The following PPFIA1 variants were observed in gnomAD, a reference collection of about 807,000 sequenced individuals.
PPFIA1 encodes the protein liprin-alpha-1.
Under a neutral mutation model 149.9 loss-of-function variants are expected in PPFIA1, and 25 were observed. The ratio of observed to expected loss-of-function variants is 0.17; its 90% confidence interval spans 0.12 to 0.23. The LOEUF is 0.23. PPFIA1 is among the 10% of genes least tolerant of loss of function. The pLI, the probability that PPFIA1 is intolerant of heterozygous loss-of-function variation, is 1.00. For missense variants in PPFIA1, 1,362 were observed against 1,506.5 expected (o/e 0.90, Z 1.59); for synonymous variants, 549 against 552.8 (o/e 0.99, Z 0.10).
At chr11:70,333,371 C>T in intron 9 of PPFIA1, 99 bp from the exon 10 acceptor site, 2 of 883,328 alleles carry the variant, frequency 2.3e-6, no homozygotes, top group Non-Finnish European at 3.7e-6. Flanking sequence ...CGGAGCAGCC[C>T]ACGCAGAGCA....
chr11:70,285,005 A>G (rs2051011523), intron 2 of PPFIA1, among the ~76,000 whole-genome samples: 1 of 151,920 alleles, frequency 6.6e-6, no homozygotes, highest in South Asian at 2.1e-4. Flanking sequence ...ATTTTTATTT[A>G]TTTATGTATT....
chr11:70,336,974 A>T (rs1037036425), intron 11 of PPFIA1, among the ~76,000 whole-genome samples: 1 of 152,246 alleles, frequency 6.6e-6, no homozygotes, highest in African/African-American at 2.4e-5. Context: ...CTCCTTGATC[A>T]GTGGGTCAGC....
At chr11:70,357,587 ATTTT>A (rs879479086) in intron 19 of PPFIA1, among the ~76,000 whole-genome samples, 1 of 142,440 alleles carries the variant, frequency 7.0e-6, no homozygotes. Context: ...CTGTGTAAGA[ATTTT>A]TTTTTTTTTT....
Position 70,362,392 on chromosome 11 carries a change from T to G in PPFIA1, c.2769T>G (p.Ile923Met). 5 of 1,614,148 alleles carry G rather than the reference T, an allele frequency of 3.1e-6. No individual in the cohort carries two copies. The highest frequency in any genetic ancestry group is 4.2e-6 in the Non-Finnish European group (5 of 1,180,028). Residue 923 changes from isoleucine to methionine, a missense_variant, in exon 21 of 28, where the codon ATT (isoleucine) becomes ATG (methionine). By Grantham distance (10) the Ile-to-Met change is conservative (BLOSUM62 1). Around this residue, in one of 7 missense-constraint regions of PPFIA1, gnomAD observed 349 missense variants for 373.3 expected, o/e 0.93. Transcript: ENST00000253925. The part of the protein sequence containing the change: ...ALSDTEIQRE[I>M]GISNPLHRLK... ...CCGACACAGAGATCCAGCGTGAGAT[T>G]GGCATCAGCAACCCCCTGCACAGGC...
At chr11:70,355,125 G>A (rs940682608) in intron 17 of PPFIA1, among the ~76,000 whole-genome samples, 2 of 152,010 alleles carry the variant, frequency 1.3e-5, no homozygotes, top group Non-Finnish European at 2.9e-5. Context: ...GGCTGGTCTC[G>A]AACTCCTGAG....
intron 21 of PPFIA1, chr11:70,367,362 G>A (rs1565455504): frequency 5.5e-6 from 2 of 361,668 alleles, no homozygotes; most frequent in African/African-American, 2.1e-5. Context: ...AGACATCAAG[G>A]CGTGGTCAAA....
chr11:70,283,627 T>C lies in PPFIA1; in HGVS notation c.264+11191T>C, dbSNP rs562979227. ...CCCATTTAGGAGGCAGTTCCTGCAATGTGGGCATGAAGTGTTACAGCCCAA... is the reference window on the plus strand; with the variant it reads ...CCCATTTAGGAGGCAGTTCCTGCAACGTGGGCATGAAGTGTTACAGCCCAA... On this transcript the variant is annotated intron_variant, in intron 2 of 27. Coordinates refer to ENST00000253925, the MANE Select transcript of PPFIA1 (RefSeq NM_003626.5). 9.2e-5 allele frequency among the ~76,000 whole-genome samples: 14 copies of C among 152,220 alleles called. No homozygotes were observed. In the East Asian group the frequency reaches 2.5e-3, roughly 27 times the overall value.
chr11:70,349,746 A>T (rs2055936368), intron 16 of PPFIA1, among the ~76,000 whole-genome samples: 1 of 151,032 alleles, frequency 6.6e-6, no homozygotes, highest in African/African-American at 2.4e-5. Context: ...AACATTTTAA[A>T]CTCTTTGACT....
At chr11:70,356,113 G>C in intron 18 of PPFIA1, 48 bp from the exon 19 acceptor site, 1 of 1,408,782 alleles carries the variant, frequency 7.1e-7, no homozygotes. Context: ...AAAACATAGA[G>C]CTTTGTCATG....
intron 2 of PPFIA1, among the ~76,000 whole-genome samples, chr11:70,300,430 C>T (rs1224447975): frequency 6.6e-6 from 1 of 152,102 alleles, no homozygotes; most frequent in Non-Finnish European, 1.5e-5. Flanking sequence ...AGTACAGTGG[C>T]CCGATCTGGG....
chr11:70,343,592 T>C (rs756707212), intron 14 of PPFIA1, 77 bp from the exon 15 acceptor site: 184 of 1,351,172 alleles, frequency 1.4e-4, no homozygotes, highest in Non-Finnish European at 1.8e-4. Flanking sequence ...AAAGAATTCC[T>C]AAATTTCCGA....
intron 15 of PPFIA1, chr11:70,345,890 A>G (rs563912997): frequency 9.2e-6 from 3 of 326,668 alleles, no homozygotes; most frequent in Middle Eastern, 8.1e-4. Flanking sequence ...TCACATGTTC[A>G]GGTCCCGTCA....
intron 2 of PPFIA1, among the ~76,000 whole-genome samples, chr11:70,322,631 T>A (rs1225535261): frequency 1.3e-5 from 2 of 152,254 alleles, no homozygotes; most frequent in Non-Finnish European, 2.9e-5. Context: ...ACTGAAATAC[T>A]GAATTGAAGA....
intron 8 of PPFIA1, 149 bp downstream of exon 8, chr11:70,330,468 C>G: frequency 3.2e-6 from 2 of 632,038 alleles, no homozygotes; most frequent in Non-Finnish European, 4.8e-6. Context: ...GTGGGAGTTC[C>G]TTCAGTTTAG....
chr11:70,303,450 A>G (rs1402646389), intron 2 of PPFIA1, among the ~76,000 whole-genome samples: 1 of 152,188 alleles, frequency 6.6e-6, no homozygotes, highest in East Asian at 1.9e-4. Flanking sequence ...AATGCTAACT[A>G]CAATTGTTAT....
At chr11:70,329,640 C>G (rs2054537730) in intron 7 of PPFIA1, among the ~76,000 whole-genome samples, 1 of 152,086 alleles carries the variant, frequency 6.6e-6, no homozygotes, top group African/African-American at 2.4e-5. Flanking sequence ...ATGTTTTTGG[C>G]CAGGGACACT....
chr11:70,318,287 T>C (rs1361196176), intron 2 of PPFIA1, among the ~76,000 whole-genome samples: 1 of 152,240 alleles, frequency 6.6e-6, no homozygotes, highest in East Asian at 1.9e-4. Flanking sequence ...TGTTTGTTTT[T>C]TTCTGTGTGA....
chr11:70,289,107 A>G (rs1338416127), intron 2 of PPFIA1, among the ~76,000 whole-genome samples: 2 of 151,412 alleles, frequency 1.3e-5, no homozygotes, highest in Non-Finnish European at 2.9e-5. Context: ...AGCTGGGATT[A>G]CAGGCCCACA....
chr11:70,376,155 A>G (rs2057481210), intron 24 of PPFIA1, among the ~76,000 whole-genome samples: 1 of 152,020 alleles, frequency 6.6e-6, no homozygotes, highest in African/African-American at 2.4e-5. Flanking sequence ...TGCCCGGCTT[A>G]TTTTTGTATT....
Sources: gnomAD v4.1 joint callset for allele counts (sites outside exome capture counted in the v4.1 genomes callset) on GRCh38, gnomAD v4.1.1 for gene constraint, gnomAD v4.1.1 regional missense constraint, MANE v1.5 for transcripts, NCBI Gene and HGNC (gene_info 2026-07-23, HGNC 2026-07-21) for gene names.